Variants in PARD6G observed in about 807,000 individuals in gnomAD.
The protein encoded by PARD6G is par-6 family cell polarity regulator gamma.
PARD6G carries 7 observed loss-of-function variants against 10.7 expected under a neutral mutation model. The ratio of observed to expected loss-of-function variants is 0.66; its 90% CI spans 0.37 to 1.23. The LOEUF (loss-of-function observed/expected upper bound fraction) is 1.23, where lower values mean the gene tolerates loss of function less well. Among genes scored for constraint, PARD6G ranks in the 50% most tolerant of loss-of-function variants. PARD6G has a pLI of 0.02. For synonymous variants in PARD6G, 287 were observed against 269.4 expected, an observed-to-expected ratio of 1.07 and a Z score of -0.64; for missense variants, 548 against 571.8, an observed-to-expected ratio of 0.96 and a Z score of 0.42.
rs553044776 is a variant in PARD6G, at chr18:80,161,351, C to T, written c.296-745G>A. ...TCTCTTCCTCAGGTCTCCCAGGGAC[C>T]CTGTGGGATCCGCCTGCCCACACCT... is the stretch of plus-strand genomic sequence containing the variant. On this transcript the variant is annotated intron_variant, in intron 2 of 2. Coordinates refer to ENST00000353265, the MANE Select transcript of PARD6G (RefSeq NM_032510.4). This position sits in a 1 kb window ranked among gnomAD's most constrained non-coding sequence, Gnocchi z 4.6. Among the ~76,000 whole-genome samples the T allele has an allele frequency of 6.6e-6, 1 of 152,240 alleles. No individual in the cohort carries two copies. The highest frequency in any genetic ancestry group is 1.9e-4 in the East Asian group (1 of 5,168).
intron 2 of PARD6G, among the ~76,000 whole-genome samples, chr18:80,185,544 C>T (rs1012760015): frequency 2.0e-5 from 3 of 152,032 alleles, no homozygotes; most frequent in African/African-American, 7.3e-5. Context: ...GAATGTCACA[C>T]GACCTAGATG....
chr18:80,162,768 G>A (rs1042221462), intron 2 of PARD6G, among the ~76,000 whole-genome samples: 9 of 152,134 alleles, frequency 5.9e-5, no homozygotes, highest in South Asian at 2.1e-4. Flanking sequence ...TATGCTGCCC[G>A]GGGTGTGGGG....
chr18:80,202,186 G>A (rs1000605379), intron 2 of PARD6G, among the ~76,000 whole-genome samples: 5 of 152,200 alleles, frequency 3.3e-5, no homozygotes, highest in African/African-American at 7.2e-5. Flanking sequence ...GTCCAGAGAC[G>A]TGAGCAGTAT....
At chr18:80,187,725 T>C (rs1209605971) in intron 2 of PARD6G, 4 of 152,194 alleles carry the variant, frequency 2.6e-5, no homozygotes, top group Non-Finnish European at 5.9e-5. Context: ...ACCTGATGCT[T>C]TGCAGGGTCA....
chr18:80,196,890 TAAAAAAAAAAAAA>T (rs572719232), intron 2 of PARD6G, among the ~76,000 whole-genome samples: 320 of 88,030 alleles, frequency 3.6e-3, no homozygotes, highest in Middle Eastern at 9.3e-3. Flanking sequence ...TTTCTTTTAT[TAAAAAAAAAAAAA>T]AAAAAAAAAA....
intron 1 of PARD6G, among the ~76,000 whole-genome samples, chr18:80,214,174 C>T (rs1179063850): frequency 6.6e-6 from 1 of 151,154 alleles, no homozygotes; most frequent in Non-Finnish European, 1.5e-5. Context: ...AAGAATGATA[C>T]CGGACAGGCG....
Position 80,159,654 on chromosome 18 carries a change from G to A in PARD6G, c.*117C>T, listed in dbSNP as rs922762516. On this transcript the variant is annotated 3_prime_UTR_variant, in exon 3 of 3. Coordinates refer to ENST00000353265, the MANE Select transcript of PARD6G (RefSeq NM_032510.4). ...TTTTATATCCGGAAGTTGAAACAAA[G>A]AGCAGCGTTGTTTTTGTGGTCACAA... The A allele has an allele frequency of 7.7e-7, 1 of 1,291,678 alleles. No homozygotes were observed. The highest frequency in any genetic ancestry group is 1.6e-5 in the African/African-American group (1 of 63,948). The allele number at this position is 1,291,678 out of a possible 1,614,324, so 80.0% of individuals were successfully genotyped here.
At chr18:80,174,380 G>T (rs1394289667) in intron 2 of PARD6G, among the ~76,000 whole-genome samples, 1 of 152,156 alleles carries the variant, frequency 6.6e-6, no homozygotes, top group Non-Finnish European at 1.5e-5. Context: ...TGACAGCAGG[G>T]TGATCGACAA....
chr18:80,224,750 G>C (rs1967272012), intron 1 of PARD6G, among the ~76,000 whole-genome samples: 1 of 152,136 alleles, frequency 6.6e-6, no homozygotes, highest in South Asian at 2.1e-4. Context: ...GGGAGGCTGA[G>C]GCAGGAGAAT....
chr18:80,203,561 C>T (rs747366192), intron 1 of PARD6G, among the ~76,000 whole-genome samples: 1 of 152,068 alleles, frequency 6.6e-6, no homozygotes, highest in Non-Finnish European at 1.5e-5. Context: ...GAAAAAGCAA[C>T]GTCAAAATTA....
At chr18:80,187,666 C>T (rs1194215950) in intron 2 of PARD6G, 1 of 152,292 alleles carries the variant, frequency 6.6e-6, no homozygotes, top group African/African-American at 2.4e-5. Context: ...GGGAGCGGCA[C>T]CTGTGTTCAT....
chr18:80,215,885 C>T (rs1175543339), intron 1 of PARD6G, among the ~76,000 whole-genome samples: 1 of 151,976 alleles, frequency 6.6e-6, no homozygotes, highest in Non-Finnish European at 1.5e-5. Flanking sequence ...TATGAGGAGA[C>T]ATGCTTTACA....
intron 1 of PARD6G, among the ~76,000 whole-genome samples, chr18:80,237,706 C>T (rs1031447235): frequency 6.6e-6 from 1 of 152,170 alleles, no homozygotes; most frequent in Non-Finnish European, 1.5e-5. Flanking sequence ...AGACACTTTT[C>T]AAAAGAAGAC....
intron 1 of PARD6G, among the ~76,000 whole-genome samples, chr18:80,214,642 T>C (rs1037422754): frequency 6.6e-6 from 1 of 151,824 alleles, no homozygotes; most frequent in Admixed American, 6.6e-5. Context: ...GCAAATTTGA[T>C]AGGTACATTG....
At position 80,202,700 on chromosome 18, in the gene PARD6G, A is replaced by G; in HGVS notation, c.295+10T>C. ...AACAAGACCAGCCGGCCACTCAACC[A>G]CTTCAGTACCTCGTTTCTGGATGAA... is the stretch of plus-strand genomic sequence containing the variant. On this transcript the variant is annotated intron_variant, in intron 2 of 2. Coordinates refer to ENST00000353265, the MANE Select transcript of PARD6G (RefSeq NM_032510.4). 8 of 1,609,004 alleles carry G rather than the reference A, an allele frequency of 5.0e-6. No individual in the cohort carries two copies. The highest frequency in any genetic ancestry group is 6.8e-6 in the Non-Finnish European group (8 of 1,177,248).
intron 2 of PARD6G, chr18:80,177,972 T>TACATACACACACTCAC (rs1555734939): frequency 6.6e-6 from 1 of 151,938 alleles, no homozygotes. Flanking sequence ...AGCGTGTGCA[T>TACATACACACACTCAC]ACACACACAC....
intron 1 of PARD6G, among the ~76,000 whole-genome samples, chr18:80,223,335 T>C (rs1428619065): frequency 3.9e-5 from 6 of 152,172 alleles, no homozygotes; most frequent in African/African-American, 9.7e-5. Context: ...AGGTAATCTA[T>C]AGAATGACAG....
intron 1 of PARD6G, among the ~76,000 whole-genome samples, chr18:80,245,109 C>T (rs1416679703): frequency 6.6e-6 from 1 of 152,180 alleles, no homozygotes; most frequent in African/African-American, 2.4e-5. Context: ...AGGCAGCACC[C>T]CTTCTTTGCC....
intron 1 of PARD6G, among the ~76,000 whole-genome samples, chr18:80,215,999 T>C (rs1967161605): frequency 6.6e-6 from 1 of 151,900 alleles, no homozygotes; most frequent in Non-Finnish European, 1.5e-5. Context: ...GCAGACAAAA[T>C]AGACTTTAAT....
Sources: allele counts gnomAD v4.1 joint callset (sites outside exome capture counted in the v4.1 genomes callset), GRCh38; gene constraint gnomAD v4.1.1; non-coding constraint Gnocchi (gnomAD v3.1); transcripts MANE v1.5; gene names NCBI Gene and HGNC (gene_info 2026-07-23, HGNC 2026-07-21).